Variants in PER3 observed in about 807,000 individuals in gnomAD.
The protein encoded by PER3 is period circadian protein homolog 3.
In PER3, 107 loss-of-function variants were observed where a neutral mutation model predicts 127.2. That is an observed-to-expected ratio of 0.84 (90% CI 0.72 to 0.99). The LOEUF (loss-of-function observed/expected upper bound fraction) is 0.99, where lower values mean the gene tolerates loss of function less well. PER3 is among the 50% of genes least tolerant of loss of function. The probability of loss-of-function intolerance (pLI) is 0.00; values close to 1 mark genes in which losing one functional copy is unlikely to be tolerated. For synonymous variants in PER3, 618 were observed against 585.8 expected, an observed-to-expected ratio of 1.05 and a Z score of -0.79; for missense variants, 1,560 against 1,525.8, an observed-to-expected ratio of 1.02 and a Z score of -0.37.
At chr1:7,841,024 G>A (rs369627355) in intron 21 of PER3, among the ~76,000 whole-genome samples, 21 of 152,314 alleles carry the variant, frequency 1.4e-4, no homozygotes, top group African/African-American at 4.8e-4. Flanking sequence ...CCTATACCAA[G>A]GGTGTCCAAT....
intron 13 of PER3, among the ~76,000 whole-genome samples, chr1:7,815,991 C>CAAAAAAAAAAAAAAAAAAAAAAAAAAA (rs34144861): frequency 8.9e-5 from 6 of 67,662 alleles, no homozygotes; most frequent in East Asian, 7.7e-4. Context: ...GACTCCGTCT[C>CAAAAAAAAAAAAAAAAAAAAAAAAAAA]AAAAAAAAAA....
chr1:7,791,616 T>C (rs774692961), intron 5 of PER3, among the ~76,000 whole-genome samples: 2 of 152,222 alleles, frequency 1.3e-5, no homozygotes. Context: ...CAGGCTTGAA[T>C]TTCTCCCCAG....
intron 18 of PER3, among the ~76,000 whole-genome samples, chr1:7,829,230 T>C (rs1442469355): frequency 1.3e-5 from 2 of 152,174 alleles, no homozygotes; most frequent in African/African-American, 2.4e-5. Context: ...ACTATACATA[T>C]CTATGGTAAA....
At chr1:7,812,112 G>A (rs1341570257) in intron 13 of PER3, among the ~76,000 whole-genome samples, 1 of 152,164 alleles carries the variant, frequency 6.6e-6, no homozygotes, top group Non-Finnish European at 1.5e-5. Flanking sequence ...GGTCCTGCTA[G>A]TCCTGCTCAC....
intron 7 of PER3, 74 bp downstream of exon 7, chr1:7,798,747 T>A: frequency 1.6e-6 from 2 of 1,274,952 alleles, no homozygotes; most frequent in Admixed American, 1.8e-5. Flanking sequence ...ACGTCAGTCA[T>A]AGAACAACAA....
intron 4 of PER3, chr1:7,787,382 A>G (rs747688164): frequency 4.9e-5 from 16 of 324,260 alleles, no homozygotes; most frequent in Admixed American, 1.3e-4. Context: ...TTTAAGTAAC[A>G]TAATTGTTAC....
Position 7,785,402 on chromosome 1 carries a change from C to T in PER3, c.129-39C>T, listed in dbSNP as rs199674455. The stretch of plus-strand genomic sequence containing the variant: ...TCCCTAAGCCGCAAGATGCTGTTGT[C>T]TTCAGAGGATGAAGTTGTAATTTTT... On this transcript the variant is annotated intron_variant, in intron 2 of 21. Transcript: ENST00000377532. 26 of 1,562,404 alleles carry T rather than the reference C, an allele frequency of 1.7e-5. No homozygotes were observed. The Admixed American group carries it at 4.1e-4, about 24-fold the overall frequency.
intron 19 of PER3, among the ~76,000 whole-genome samples, chr1:7,835,270 G>A (rs1341471330): frequency 1.3e-5 from 2 of 152,100 alleles, no homozygotes; most frequent in African/African-American, 4.8e-5. Flanking sequence ...GTATGTATTT[G>A]GCGACTTGGG....
chr1:7,828,806 A>AT (rs1292281699), intron 18 of PER3, among the ~76,000 whole-genome samples: 1 of 152,176 alleles, frequency 6.6e-6, no homozygotes, highest in Non-Finnish European at 1.5e-5. Context: ...TAAATGATGT[A>AT]TTTATATAGT....
Position 7,843,850 on chromosome 1 carries a change from AG to A in PER3, c.*1096del. On this transcript the variant is annotated 3_prime_UTR_variant, in exon 22 of 22. Coordinates refer to ENST00000377532, the MANE Select transcript of PER3 (RefSeq NM_001377275.1). ...TTGTAGTTGTGTCTTTTAAGAAGTG[AG>A]TGTGATTGTTTACTTGATAAATCAG... The A allele has an allele frequency of 9.0e-7, 1 of 1,116,468 alleles. No individual in the cohort carries two copies. Among genetic ancestry groups the A allele is most frequent in the East Asian group, 6.7e-5 (1 of 15,030 alleles). 69.2% of individuals were successfully genotyped at this position (1,116,468 alleles called of 1,614,324 possible). A position where few individuals can be genotyped will look rare whatever the true frequency, so the allele number is the denominator to read the frequency against.
Position 7,786,834 on chromosome 1 carries a change from A to T in PER3, c.388A>T (p.Thr130Ser), listed in dbSNP as rs2097093548. The change falls in exon 4 of 22, where the codon ACA becomes TCA. Residue 130 changes from threonine to serine, a missense_variant and splice_region_variant. Physicochemically the swap from Thr to Ser is moderately conservative, Grantham distance 58. Coordinates refer to ENST00000377532, the MANE Select transcript of PER3 (RefSeq NM_001377275.1). ...CGCTTCAGAACACACTTCCAAAAAC[A>T]CAGTAAGAATTCATGCATTTTGCCA... ...TIASEHTSKN[T>S]DTFVAVFSFL... The T allele has an allele frequency of 6.4e-7, 1 of 1,565,688 alleles. No homozygotes were observed. Among genetic ancestry groups the T allele is most frequent in the Non-Finnish European group, 8.8e-7 (1 of 1,135,866 alleles).
intron 13 of PER3, among the ~76,000 whole-genome samples, chr1:7,818,495 T>G (rs1374379536): frequency 5.3e-5 from 8 of 152,152 alleles, no homozygotes; most frequent in Non-Finnish European, 1.2e-4. Flanking sequence ...TTAAGAAAGT[T>G]TTCATTCTTG....
At chr1:7,803,605 C>A in intron 9 of PER3, 87 bp from the exon 10 acceptor site, 2 of 868,144 alleles carry the variant, frequency 2.3e-6, no homozygotes, top group Non-Finnish European at 3.5e-6. Flanking sequence ...ACCACTAAAA[C>A]ATTTACAAAT....
intron 3 of PER3, among the ~76,000 whole-genome samples, chr1:7,786,150 G>GA (rs1018445786): frequency 9.2e-5 from 14 of 152,320 alleles, no homozygotes; most frequent in African/African-American, 2.9e-4. Flanking sequence ...AGCTATTCGG[G>GA]AGGCTGAGAC....
chr1:7,827,560 A>T lies in PER3; in HGVS notation c.2631A>T (p.Pro877=), dbSNP rs1487641538. ...TGTCGCCATCGTTTTTGCCATGTCC[A>T]TTCCTGGGGGCGACAGCCTCTTCTG... ...PLLSPSFLPC[P]FLGATASSAI... Residue 877 remains proline, a synonymous_variant, in exon 18 of 22, where the codon CCA becomes CCT. Transcript: ENST00000377532. The T allele has an allele frequency of 4.3e-6, 7 of 1,613,900 alleles. No individual in the cohort carries two copies. The highest frequency in any genetic ancestry group is 5.9e-6 in the Non-Finnish European group (7 of 1,180,004).
intron 13 of PER3, among the ~76,000 whole-genome samples, chr1:7,814,973 G>C (rs889233964): frequency 1.3e-5 from 2 of 152,122 alleles, no homozygotes; most frequent in Admixed American, 1.3e-4. Context: ...TGGAATTTAA[G>C]ACACTTAACC....
chr1:7,806,049 GA>G (rs2097191036), intron 10 of PER3, among the ~76,000 whole-genome samples: 1 of 152,156 alleles, frequency 6.6e-6, no homozygotes, highest in Non-Finnish European at 1.5e-5. Context: ...TGGGCCTTGA[GA>G]ATGTAATGGT....
chr1:7,827,434 G>C lies in PER3; in HGVS notation c.2505G>C (p.Leu835=). The C allele has an allele frequency of 6.2e-7, 1 of 1,614,140 alleles. No individual in the cohort carries two copies. The highest frequency in any genetic ancestry group is 8.5e-7 in the Non-Finnish European group (1 of 1,180,012). Residue 835 remains leucine, a synonymous_variant, in exon 18 of 22, where the codon CTG becomes CTC. Coordinates refer to ENST00000377532, the MANE Select transcript of PER3 (RefSeq NM_001377275.1). ...CTGCACCGGAAGGCCTGCATGGGCT[G>C]CCCTTGTCCGAGGGCTTGCAGCCTT... The part of the protein sequence containing the change: ...PGTAPEGLHG[L]PLSEGLQPYP...
intron 6 of PER3, 27 bp downstream of exon 6, chr1:7,794,035 G>C (rs902781558): frequency 6.3e-7 from 1 of 1,580,634 alleles, no homozygotes; most frequent in African/African-American, 1.3e-5. Flanking sequence ...GTGGAAGCCA[G>C]CAACAGTGGA....
Sources: gnomAD v4.1 joint callset for allele counts (sites outside exome capture counted in the v4.1 genomes callset) on GRCh38, gnomAD v4.1.1 for gene constraint, MANE v1.5 for transcripts, NCBI Gene and HGNC (gene_info 2026-07-23, HGNC 2026-07-21) for gene names.